The following CCDC91 variants were observed in gnomAD, a reference collection of about 807,000 sequenced individuals.
CCDC91 encodes coiled-coil domain-containing protein 91.
A neutral mutation model predicts 63.2 loss-of-function variants in CCDC91; 48 were observed. The ratio of observed to expected loss-of-function variants is 0.76; its 90% CI spans 0.60 to 0.97. CCDC91 has a LOEUF of 0.97. CCDC91 is among the 50% of genes least tolerant of loss of function. The pLI, the probability that CCDC91 is intolerant of heterozygous loss-of-function variation, is 0.00. For missense variants in CCDC91, 500 were observed against 494.6 expected, an observed-to-expected ratio of 1.01 and a Z score of -0.10; for synonymous variants, 167 against 165.8, an observed-to-expected ratio of 1.01 and a Z score of -0.06.
chr12:28,268,381 A>G (rs906032442), intron 3 of CCDC91, among the ~76,000 whole-genome samples: 10 of 152,148 alleles, frequency 6.6e-5, no homozygotes, highest in African/African-American at 2.2e-4. Flanking sequence ...TTTATATAAT[A>G]GAACACCATA....
At chr12:28,498,347 T>C (rs1418976840) in intron 12 of CCDC91, among the ~76,000 whole-genome samples, 1 of 151,638 alleles carries the variant, frequency 6.6e-6, no homozygotes, top group Non-Finnish European at 1.5e-5. Context: ...CAGAAAACTG[T>C]GAACAAGGCA....
intron 6 of CCDC91, among the ~76,000 whole-genome samples, chr12:28,312,231 C>T (rs1939400024): frequency 6.6e-6 from 1 of 151,560 alleles, no homozygotes; most frequent in African/African-American, 2.4e-5. Context: ...GGTTAATGAG[C>T]TCCCATGGAG....
chr12:28,371,971 G>A (rs187270713), intron 7 of CCDC91, among the ~76,000 whole-genome samples: 1 of 152,232 alleles, frequency 6.6e-6, no homozygotes, highest in Admixed American at 6.5e-5. Context: ...ATGGTTTTGG[G>A]TCTTAGATTT....
At chr12:28,449,688 C>A (rs1394496936) in intron 8 of CCDC91, among the ~76,000 whole-genome samples, 1 of 151,884 alleles carries the variant, frequency 6.6e-6, no homozygotes, top group Non-Finnish European at 1.5e-5. Flanking sequence ...GAGGTGACAA[C>A]AATTAATAAA....
chr12:28,480,327 T>C (rs1184791182), intron 11 of CCDC91, among the ~76,000 whole-genome samples: 1 of 151,972 alleles, frequency 6.6e-6, no homozygotes, highest in African/African-American at 2.4e-5. Context: ...TCCTTCCTTA[T>C]AACTCAAACT....
intron 8 of CCDC91, among the ~76,000 whole-genome samples, chr12:28,428,870 A>G (rs1012180377): frequency 2.6e-5 from 4 of 152,144 alleles, no homozygotes; most frequent in Non-Finnish European, 5.9e-5. Context: ...TAGGTCTTCT[A>G]ACAACTTAAA....
At chr12:28,407,961 TA>T (rs200618480) in intron 8 of CCDC91, among the ~76,000 whole-genome samples, 17,649 of 124,422 alleles carry the variant, frequency 0.14, 1,149 homozygotes, top group Middle Eastern at 0.23. Flanking sequence ...CATATATATA[TA>T]TATTTTTTTT....
chr12:28,484,545 C>T (rs1487581818), intron 12 of CCDC91, among the ~76,000 whole-genome samples: 1 of 152,098 alleles, frequency 6.6e-6, no homozygotes, highest in Non-Finnish European at 1.5e-5. Context: ...TGTATTAACA[C>T]CACTGTAGTT....
chr12:28,212,823 A>G (rs1370157758), intron 1 of CCDC91, among the ~76,000 whole-genome samples: 1 of 152,200 alleles, frequency 6.6e-6, no homozygotes, highest in East Asian at 1.9e-4. Context: ...AGGTATGTTG[A>G]GAAGCAAAAT....
chr12:28,257,826 C>T (rs1436806126), intron 2 of CCDC91, among the ~76,000 whole-genome samples: 3 of 151,806 alleles, frequency 2.0e-5, no homozygotes, highest in East Asian at 3.9e-4. Flanking sequence ...TTTTATAACC[C>T]AGTTATTTTT....
chr12:28,250,744 G>C lies in CCDC91; in HGVS notation c.-14-6458G>C, dbSNP rs531362279. Among the ~76,000 whole-genome samples the C allele has an allele frequency of 6.6e-5, 10 of 152,134 alleles. No homozygotes were observed. The South Asian group carries it at 1.5e-3, about 22-fold the overall frequency. On this transcript the variant is annotated intron_variant, in intron 1 of 12. Coordinates refer to ENST00000536442, the MANE Select transcript of CCDC91 (RefSeq NM_018318.5). Reference sequence around the variant, plus strand: ...GAAATATTCTTTGAGCCCTTACTATGTGCTAGGAACTGCTCAGTTCAATTG... The same window carrying C: ...GAAATATTCTTTGAGCCCTTACTATCTGCTAGGAACTGCTCAGTTCAATTG...
At chr12:28,387,187 C>A (rs1333077486) in intron 7 of CCDC91, among the ~76,000 whole-genome samples, 1 of 152,158 alleles carries the variant, frequency 6.6e-6, no homozygotes, top group Non-Finnish European at 1.5e-5. Context: ...AGTGCTTAAT[C>A]TAATAGTAGG....
intron 12 of CCDC91, among the ~76,000 whole-genome samples, chr12:28,527,920 C>A (rs1441681311): frequency 2.0e-5 from 3 of 152,136 alleles, no homozygotes; most frequent in Non-Finnish European, 4.4e-5. Flanking sequence ...TCCCGTCTAA[C>A]CCAAATGGCT....
intron 8 of CCDC91, among the ~76,000 whole-genome samples, chr12:28,401,568 G>T (rs1946624552): frequency 6.6e-6 from 1 of 152,082 alleles, no homozygotes; most frequent in Non-Finnish European, 1.5e-5. Flanking sequence ...TAAGTGCTGA[G>T]GGAAGAGGGA....
intron 12 of CCDC91, among the ~76,000 whole-genome samples, chr12:28,503,896 G>A (rs1252770247): frequency 6.6e-6 from 1 of 151,860 alleles, no homozygotes. Flanking sequence ...GAGAACACAT[G>A]GACACAGGAA....
intron 11 of CCDC91, among the ~76,000 whole-genome samples, chr12:28,475,535 G>A (rs1281831336): frequency 6.6e-6 from 1 of 152,000 alleles, no homozygotes; most frequent in Admixed American, 6.6e-5. Flanking sequence ...AATTAACTTT[G>A]GCCTTGATTG....
At chr12:28,541,347 GTCTC>G (rs1304850891) in intron 12 of CCDC91, among the ~76,000 whole-genome samples, 2 of 152,036 alleles carry the variant, frequency 1.3e-5, no homozygotes, top group African/African-American at 2.4e-5. Flanking sequence ...CTTGTGGACA[GTCTC>G]TCTTGCTTGT....
chr12:28,368,753 G>T (rs1220660740), intron 7 of CCDC91, among the ~76,000 whole-genome samples: 1 of 152,014 alleles, frequency 6.6e-6, no homozygotes, highest in Non-Finnish European at 1.5e-5. Flanking sequence ...TCACAGTTCT[G>T]CCTGGCTTAC....
At chr12:28,303,352 A>C (rs1193867593) in intron 3 of CCDC91, among the ~76,000 whole-genome samples, 1 of 149,886 alleles carries the variant, frequency 6.7e-6, no homozygotes, top group African/African-American at 2.5e-5. Flanking sequence ...TCCTCCTTCA[A>C]CCTCTCCCTT....
Sources: gnomAD v4.1 joint callset for allele counts (sites outside exome capture counted in the v4.1 genomes callset) on GRCh38, gnomAD v4.1.1 for gene constraint, MANE v1.5 for transcripts, NCBI Gene and HGNC (gene_info 2026-07-23, HGNC 2026-07-21) for gene names.